The following HRH4 variants were observed in gnomAD, a reference collection of about 807,000 sequenced individuals.
HRH4 encodes the protein histamine H4 receptor.
HRH4 carries 12 observed loss-of-function variants against 10.4 expected under a neutral mutation model. That is an observed-to-expected ratio of 1.15 (90% CI 0.74 to 1.87). HRH4 has a LOEUF of 1.87. Among genes scored for constraint, HRH4 ranks in the 40% most tolerant of loss-of-function variants. The pLI is 0.00. For missense variants in HRH4, 415 were observed against 453.3 expected, an observed-to-expected ratio of 0.92 and a Z score of 0.77; for synonymous variants, 154 against 166.6, an observed-to-expected ratio of 0.92 and a Z score of 0.58.
intron 2 of HRH4, among the ~76,000 whole-genome samples, chr18:24,476,008 A>G (rs970447807): frequency 1.3e-5 from 2 of 152,212 alleles, no homozygotes; most frequent in African/African-American, 4.8e-5. Context: ...AACTGTCTCA[A>G]ACAAATAAAA....
At chr18:24,470,023 G>A (rs554590711) in intron 2 of HRH4, among the ~76,000 whole-genome samples, 2 of 152,174 alleles carry the variant, frequency 1.3e-5, no homozygotes, top group African/African-American at 2.4e-5. Flanking sequence ...GGAACAAATC[G>A]GTTCAGTACA....
intron 1 of HRH4, among the ~76,000 whole-genome samples, chr18:24,465,755 A>G (rs1909755872): frequency 6.6e-6 from 1 of 152,214 alleles, no homozygotes; most frequent in Non-Finnish European, 1.5e-5. Flanking sequence ...GTGACAGCAC[A>G]GTGGGGGTTA....
At chr18:24,472,827 G>A (rs1252297752) in intron 2 of HRH4, among the ~76,000 whole-genome samples, 1 of 152,068 alleles carries the variant, frequency 6.6e-6, no homozygotes, top group Admixed American at 6.6e-5. Flanking sequence ...AGAACAGCAG[G>A]GCTTCATGGT....
intron 1 of HRH4, among the ~76,000 whole-genome samples, chr18:24,463,331 T>G (rs1471069010): frequency 6.6e-6 from 1 of 152,226 alleles, no homozygotes; most frequent in Non-Finnish European, 1.5e-5. Flanking sequence ...CCTGCCAGCC[T>G]CATCCCTCAC....
Position 24,477,388 on chromosome 18 carries a change from A to G in HRH4, c.999A>G (p.Thr333=), listed in dbSNP as rs1910172589. 1 of 1,613,974 alleles carries G rather than the reference A, an allele frequency of 6.2e-7. No individual in the cohort carries two copies. ...TCCTTTCATTTTATTCCTCAGCAACAGGTCCTAAATCAGTTTGGTATAGAA... is the reference window on the plus strand; with the variant it reads ...TCCTTTCATTTTATTCCTCAGCAACGGGTCCTAAATCAGTTTGGTATAGAA... ...TIVLSFYSSA[T]GPKSVWYRIA... Residue 333 remains threonine (T), a synonymous_variant, in exon 3 of 3, where the codon ACA becomes ACG. Transcript: ENST00000256906.
At chr18:24,471,016 C>T (rs780488349) in intron 2 of HRH4, among the ~76,000 whole-genome samples, 6 of 151,442 alleles carry the variant, frequency 4.0e-5, no homozygotes, top group East Asian at 1.9e-4. Context: ...GGTCCCATCT[C>T]GCCACAAAGG....
chr18:24,464,364 T>G (rs1227052454), intron 1 of HRH4, among the ~76,000 whole-genome samples: 1 of 152,184 alleles, frequency 6.6e-6, no homozygotes, highest in African/African-American at 2.4e-5. Flanking sequence ...TCTCCTCTTA[T>G]AAGCACACTA....
chr18:24,474,756 G>A (rs972360023), intron 2 of HRH4, among the ~76,000 whole-genome samples: 5 of 150,564 alleles, frequency 3.3e-5, no homozygotes, highest in African/African-American at 7.4e-5. Flanking sequence ...GCTCCATCTC[G>A]GTTCACTGAA....
At chr18:24,471,094 G>A (rs997301291) in intron 2 of HRH4, among the ~76,000 whole-genome samples, 5 of 151,894 alleles carry the variant, frequency 3.3e-5, no homozygotes, top group African/African-American at 1.2e-4. Context: ...TGGGAGGACA[G>A]CCAGCTATGT....
Position 24,460,666 on chromosome 18 carries a change from T to G in HRH4, c.-63T>G, listed in dbSNP as rs976706838. On this transcript the variant is annotated 5_prime_UTR_variant, in exon 1 of 3. Transcript: ENST00000256906. ...ATTTTAGGTATGTGATTAGAAAACATACTTGTCAGAATTGTCTGGCTGGAT... is the reference window on the plus strand; with the variant it reads ...ATTTTAGGTATGTGATTAGAAAACAGACTTGTCAGAATTGTCTGGCTGGAT... 7.2e-6 allele frequency: 8 copies of G among 1,106,864 alleles called. No homozygotes were observed. Among genetic ancestry groups the G allele is most frequent in the Non-Finnish European group, 1.0e-5 (8 of 789,598 alleles). The allele number at this position is 1,106,864 out of a possible 1,614,324, so 68.6% of individuals were successfully genotyped here.
At chr18:24,461,129 A>C (rs1222240443) in intron 1 of HRH4, among the ~76,000 whole-genome samples, 1 of 152,176 alleles carries the variant, frequency 6.6e-6, no homozygotes, top group African/African-American at 2.4e-5. Context: ...GGGAATTTTC[A>C]GCTGAAAACA....
At chr18:24,476,683 A>G (rs1053464133) in intron 2 of HRH4, 64 bp from the exon 3 acceptor site, 22 of 1,217,512 alleles carry the variant, frequency 1.8e-5, no homozygotes, top group South Asian at 2.7e-5. Flanking sequence ...CTAAGGATCT[A>G]TGAGATACTT....
At chr18:24,473,605 T>C (rs938024569) in intron 2 of HRH4, among the ~76,000 whole-genome samples, 3 of 152,190 alleles carry the variant, frequency 2.0e-5, no homozygotes, top group Non-Finnish European at 4.4e-5. Flanking sequence ...ACATATTGGA[T>C]AGGGTGACCC....
At chr18:24,475,514 A>G (rs541318989) in intron 2 of HRH4, among the ~76,000 whole-genome samples, 1 of 152,302 alleles carries the variant, frequency 6.6e-6, no homozygotes, top group East Asian at 1.9e-4. Flanking sequence ...GGTCCTAGCC[A>G]CTTGGGAGGC....
chr18:24,475,142 G>T (rs1328604369), intron 2 of HRH4, among the ~76,000 whole-genome samples: 1 of 152,168 alleles, frequency 6.6e-6, no homozygotes, highest in African/African-American at 2.4e-5. Context: ...TGGGTCCTGT[G>T]ATGGGAGGGC....
At chr18:24,476,610 C>A in intron 2 of HRH4, 137 bp from the exon 3 acceptor site, 1 of 671,212 alleles carries the variant, frequency 1.5e-6, no homozygotes, top group Non-Finnish European at 2.6e-6. Flanking sequence ...ACCCTCTGTC[C>A]TGGTCCACAT....
chr18:24,461,045 TTAAG>T (rs1224709028), intron 1 of HRH4, 124 bp downstream of exon 1: 32 of 687,772 alleles, frequency 4.7e-5, no homozygotes, highest in South Asian at 1.6e-4. Context: ...CACAAAAAGT[TTAAG>T]TATTAAATTT....
rs903040251 is a variant in HRH4, at chr18:24,479,159, A to G, written c.*1597A>G. The G allele has an allele frequency of 1.3e-5, 2 of 151,784 alleles. No individual in the cohort carries two copies. Among genetic ancestry groups the G allele is most frequent in the African/African-American group, 2.4e-5 (1 of 41,312 alleles). The allele number at this position is 151,784 out of a possible 1,614,324, so 9.4% of individuals were successfully genotyped here. On this transcript the variant is annotated 3_prime_UTR_variant, in exon 3 of 3. Coordinates refer to ENST00000256906, the MANE Select transcript of HRH4 (RefSeq NM_021624.4). ...AATTTTTTTTTTTTTAATTTTGATAAGACAGGGTATTGCCGTGTTGGCCAG... is the reference window on the plus strand; with the variant it reads ...AATTTTTTTTTTTTTAATTTTGATAGGACAGGGTATTGCCGTGTTGGCCAG...
chr18:24,463,807 CT>C (rs1400262460), intron 1 of HRH4, among the ~76,000 whole-genome samples: 5 of 152,158 alleles, frequency 3.3e-5, no homozygotes, highest in Non-Finnish European at 7.3e-5. Context: ...AGGAAAAATT[CT>C]AGTACTAGCT....
Sources: gnomAD v4.1 joint callset for allele counts (sites outside exome capture counted in the v4.1 genomes callset) on GRCh38, gnomAD v4.1.1 for gene constraint, MANE v1.5 for transcripts, NCBI Gene and HGNC (gene_info 2026-07-23, HGNC 2026-07-21) for gene names.